NSMAF: variants seen among roughly 807,000 people sequenced by gnomAD.
NSMAF encodes neutral sphingomyelinase activation associated factor, also known as protein FAN.
Under a neutral mutation model 134.9 loss-of-function variants are expected in NSMAF, and 90 were observed. The observed-to-expected ratio is 0.67, with a 90% confidence interval of 0.56 to 0.79. The LOEUF (loss-of-function observed/expected upper bound fraction) is 0.79. Among genes scored for constraint, NSMAF ranks in the 30% least tolerant of loss-of-function variants. The probability of loss-of-function intolerance (pLI) is 0.00; values close to 1 mark genes in which losing one functional copy is unlikely to be tolerated. For missense variants in NSMAF, 1,010 were observed against 1,119.0 expected, an observed-to-expected ratio of 0.90 and a Z score of 1.39; for synonymous variants, 358 against 389.6, an observed-to-expected ratio of 0.92 and a Z score of 0.96.
intron 1 of NSMAF, among the ~76,000 whole-genome samples, chr8:58,656,366 A>G (rs1026824287): frequency 6.6e-6 from 1 of 152,202 alleles, no homozygotes; most frequent in African/African-American, 2.4e-5. Context: ...CTGTTTTCTA[A>G]TCCTTAAAAT....
chr8:58,599,286 C>T lies in NSMAF; in HGVS notation c.1531G>A (p.Asp511Asn), dbSNP rs1806217533. 1 of 1,613,890 alleles carries T rather than the reference C, an allele frequency of 6.2e-7. No homozygotes were observed. Among genetic ancestry groups the T allele is most frequent in the Admixed American group, 1.7e-5 (1 of 60,002 alleles). ...TTTTGTTTGTAGCCAAATATTAGAT[C>T]AATCCACTCGTGAAGGTGTTCAGAC... ...YVSEHLHEWI[D>N]LIFGYKQKGS... The change falls in exon 19 of 31, where the codon GAT becomes AAT. Residue 511 changes from aspartate to asparagine, a missense_variant. By Grantham distance (23) the Asp-to-Asn change is conservative. Transcript: ENST00000038176.
chr8:58,623,518 AAC>A, intron 7 of NSMAF, 94 bp from the exon 8 acceptor site: 1 of 1,308,740 alleles, frequency 7.6e-7, no homozygotes, highest in East Asian at 2.3e-5. Context: ...TCATTCTGTT[AAC>A]AGTCAAGATT....
intron 1 of NSMAF, among the ~76,000 whole-genome samples, chr8:58,646,700 AT>A (rs1807462192): frequency 6.6e-6 from 1 of 152,108 alleles, no homozygotes; most frequent in African/African-American, 2.4e-5. Flanking sequence ...TAGAACAATG[AT>A]TTTCAAACTA....
chr8:58,601,532 G>C lies in NSMAF; in HGVS notation c.1129C>G (p.Arg377Gly). The change falls in exon 15 of 31, where the codon CGC becomes GGC. Residue 377 changes from arginine (R) to glycine (G), a missense_variant. Transcript: ENST00000038176. ...TTTGGTTCAGGCATTTCCTGGTAGC[G>C]TGTCTAGAATACAGAAAAAAAAAAA... Reference protein sequence around the residue: ...NKERLERLLTRYQEMPEPKFM... With the variant: ...NKERLERLLTGYQEMPEPKFM... 1 of 1,568,674 alleles carries C rather than the reference G, an allele frequency of 6.4e-7. No homozygotes were observed. The highest frequency in any genetic ancestry group is 8.6e-7 in the Non-Finnish European group (1 of 1,156,486).
Position 58,623,699 on chromosome 8 carries a change from A to C in NSMAF, c.456+10T>G. On this transcript the variant is annotated intron_variant, in intron 7 of 30. Coordinates refer to ENST00000038176, the MANE Select transcript of NSMAF (RefSeq NM_003580.4). ...GTTTGCTTTGAATTTTCTACCCAGC[A>C]AGTGCTTACCTGAAGCAACGTCTCC... is the stretch of plus-strand genomic sequence containing the variant. 1 of 1,611,286 alleles carries C rather than the reference A, an allele frequency of 6.2e-7. No homozygotes were observed. The highest frequency in any genetic ancestry group is 8.5e-7 in the Non-Finnish European group (1 of 1,177,826).
chr8:58,631,429 G>T, intron 6 of NSMAF, 67 bp downstream of exon 6: 1 of 916,778 alleles, frequency 1.1e-6, no homozygotes, highest in Non-Finnish European at 1.7e-6. Flanking sequence ...TGTTAATAGA[G>T]TCACAAAATT....
At position 58,601,546 on chromosome 8, in the gene NSMAF, G is replaced by GAAGAA; in HGVS notation, c.1126-12_1126-11insTTCTT. The GAAGAA allele has an allele frequency of 6.9e-7, 1 of 1,443,144 alleles. No homozygotes were observed. The highest frequency in any genetic ancestry group is 1.5e-5 in the South Asian group (1 of 68,474). The allele number at this position is 1,443,144 out of a possible 1,614,324, so 89.4% of individuals were successfully genotyped here. On this transcript the variant is annotated splice_polypyrimidine_tract_variant and intron_variant, in intron 14 of 30. Coordinates refer to ENST00000038176, the MANE Select transcript of NSMAF (RefSeq NM_003580.4). Reference sequence around the variant, plus strand: ...TTCCTGGTAGCGTGTCTAGAATACAGAAAAAAAAAAAAAATAGAGCTAAGT... The same window carrying GAAGAA: ...TTCCTGGTAGCGTGTCTAGAATACAGAAGAAAAAAAAAAAAAAAATAGAGCTAAGT...
intron 1 of NSMAF, among the ~76,000 whole-genome samples, chr8:58,647,905 G>T (rs965626054): frequency 2.6e-5 from 4 of 152,154 alleles, no homozygotes; most frequent in Non-Finnish European, 4.4e-5. Context: ...ATGGATATAC[G>T]TAAAGACATG....
At chr8:58,659,363 G>T in intron 1 of NSMAF, 1 of 1,524,698 alleles carries the variant, frequency 6.6e-7, no homozygotes. Flanking sequence ...CCTGTCCCCG[G>T]CAGGCTCCGG....
intron 9 of NSMAF, among the ~76,000 whole-genome samples, chr8:58,615,105 A>T (rs1424520118): frequency 6.6e-6 from 1 of 152,182 alleles, no homozygotes; most frequent in Non-Finnish European, 1.5e-5. Flanking sequence ...ATGAAGAGGG[A>T]CATTTCCTAA....
Position 58,590,901 on chromosome 8 carries a change from T to G in NSMAF, c.1985A>C (p.Lys662Thr). 1 of 1,567,354 alleles carries G rather than the reference T, an allele frequency of 6.4e-7. No individual in the cohort carries two copies. Among genetic ancestry groups the G allele is most frequent in the South Asian group, 1.1e-5 (1 of 90,052 alleles). Residue 662 changes from lysine to threonine, a missense_variant, in exon 24 of 31, where the codon AAA becomes ACA. Physicochemically the swap from Lys to Thr is moderately conservative, Grantham distance 78. Transcript: ENST00000038176. Reference sequence around the variant, plus strand: ...AAATGATATACTTCTTTGTAGCATTTTTGATTCTTTAGAAAACATCTTCAA... The same window carrying G: ...AAATGATATACTTCTTTGTAGCATTGTTGATTCTTTAGAAAACATCTTCAA... ...STLKMFSKES[K>T]MLQRSISFSN...
At chr8:58,639,467 G>A (rs149521321) in intron 2 of NSMAF, among the ~76,000 whole-genome samples, 36 of 152,306 alleles carry the variant, frequency 2.4e-4, no homozygotes, top group African/African-American at 8.4e-4. Flanking sequence ...TTGTTGGCAA[G>A]AGCGTGGAGA....
chr8:58,623,854 T>C, intron 6 of NSMAF, 74 bp from the exon 7 acceptor site: 1 of 1,181,618 alleles, frequency 8.5e-7, no homozygotes, highest in East Asian at 2.4e-5. Flanking sequence ...TAAGAACATG[T>C]GTACAGAACC....
rs1165722973 is a variant in NSMAF at position 58,599,374 on chromosome 8, A to G, written c.1454-11T>C. On this transcript the variant is annotated splice_polypyrimidine_tract_variant and intron_variant, in intron 18 of 30. Coordinates refer to ENST00000038176, the MANE Select transcript of NSMAF (RefSeq NM_003580.4). ...GAAAGTCCTCGGGACCTATTAGATTAGACTCAATCGAAAAATCATGGAGTC... is the reference window on the plus strand; with the variant it reads ...GAAAGTCCTCGGGACCTATTAGATTGGACTCAATCGAAAAATCATGGAGTC... 1 of 1,611,750 alleles carries G rather than the reference A, an allele frequency of 6.2e-7. No homozygotes were observed. The highest frequency in any genetic ancestry group is 8.5e-7 in the Non-Finnish European group (1 of 1,179,342).
At chr8:58,654,601 T>C (rs1033990200) in intron 1 of NSMAF, among the ~76,000 whole-genome samples, 4 of 152,186 alleles carry the variant, frequency 2.6e-5, no homozygotes, top group Non-Finnish European at 5.9e-5. Flanking sequence ...AAGAATATTA[T>C]ACACTCATGG....
At chr8:58,613,752 TG>T (rs1806587848) in intron 9 of NSMAF, among the ~76,000 whole-genome samples, 1 of 152,206 alleles carries the variant, frequency 6.6e-6, no homozygotes, top group Admixed American at 6.5e-5. Flanking sequence ...TAGTACAAGT[TG>T]AGTATTCCTT....
At chr8:58,638,119 A>C (rs981299630) in intron 2 of NSMAF, among the ~76,000 whole-genome samples, 1 of 152,218 alleles carries the variant, frequency 6.6e-6, no homozygotes, top group Admixed American at 6.5e-5. Flanking sequence ...GCATGATTAT[A>C]GCTCACTGCA....
At chr8:58,597,968 A>T in intron 19 of NSMAF, 66 bp from the exon 20 acceptor site, 17 of 1,142,594 alleles carry the variant, frequency 1.5e-5, no homozygotes, top group South Asian at 2.6e-5. Flanking sequence ...ACTGTTTAGA[A>T]CCTAAACAAT....
intron 1 of NSMAF, among the ~76,000 whole-genome samples, chr8:58,645,825 G>A (rs1346104724): frequency 1.3e-5 from 2 of 152,196 alleles, no homozygotes; most frequent in African/African-American, 2.4e-5. Context: ...CGGTTTGCCT[G>A]AGGTCAGGAG....
Sources: gnomAD v4.1 joint callset for allele counts (sites outside exome capture counted in the v4.1 genomes callset) on GRCh38, gnomAD v4.1.1 for gene constraint, MANE v1.5 for transcripts, NCBI Gene and HGNC (gene_info 2026-07-23, HGNC 2026-07-21) for gene names.